CAPZB: variants seen among roughly 807,000 people sequenced by gnomAD.
CAPZB encodes capping actin protein of muscle Z-line subunit beta.
A neutral mutation model predicts 38.1 loss-of-function variants in CAPZB; 2 were observed. That is an observed-to-expected ratio of 0.05 (90% CI 0.02 to 0.17). The LOEUF (loss-of-function observed/expected upper bound fraction) is 0.17. Among genes scored for constraint, CAPZB ranks in the 10% least tolerant of loss-of-function variants. CAPZB has a pLI of 1.00. For synonymous variants in CAPZB, 107 were observed against 127.4 expected, an observed-to-expected ratio of 0.84 and a Z score of 1.08; for missense variants, 161 against 334.2, an observed-to-expected ratio of 0.48 and a Z score of 4.04.
chr1:19,442,892 T>A (rs932040083), intron 1 of CAPZB, among the ~76,000 whole-genome samples: 1 of 152,082 alleles, frequency 6.6e-6, no homozygotes, highest in African/African-American at 2.4e-5. Flanking sequence ...ATACACCTCC[T>A]CTGTGCGGCG....
chr1:19,343,886 T>C (rs2093946375), intron 8 of CAPZB, among the ~76,000 whole-genome samples: 1 of 152,144 alleles, frequency 6.6e-6, no homozygotes, highest in Admixed American at 6.5e-5. Flanking sequence ...GGGCCCTGCC[T>C]GCATGTGGCG....
chr1:19,469,728 A>T (rs2094580171), intron 1 of CAPZB, among the ~76,000 whole-genome samples: 1 of 144,526 alleles, frequency 6.9e-6, no homozygotes, highest in Non-Finnish European at 1.5e-5. Flanking sequence ...GATACTCAAA[A>T]GGAGGAAAAG....
intron 1 of CAPZB, among the ~76,000 whole-genome samples, chr1:19,471,707 AC>A (rs1168417664): frequency 1.3e-5 from 2 of 152,072 alleles, no homozygotes; most frequent in East Asian, 3.9e-4. Flanking sequence ...TACTAAAAAT[AC>A]CAAAAAAAAT....
At chr1:19,408,076 C>G (rs2094340883) in intron 2 of CAPZB, among the ~76,000 whole-genome samples, 1 of 152,210 alleles carries the variant, frequency 6.6e-6, no homozygotes. Context: ...CTCTTAATCT[C>G]CTTCCTCAGT....
chr1:19,385,035 A>C (rs1570071129), intron 3 of CAPZB, among the ~76,000 whole-genome samples: 1 of 152,090 alleles, frequency 6.6e-6, no homozygotes, highest in South Asian at 2.1e-4. Context: ...GCCTTGGGCG[A>C]GGTGACGGAA....
intron 1 of CAPZB, among the ~76,000 whole-genome samples, chr1:19,472,346 G>T (rs528192130): frequency 6.6e-6 from 1 of 152,272 alleles, no homozygotes; most frequent in Admixed American, 6.5e-5. Context: ...ACATCTCTGG[G>T]TGGCTCAAAC....
chr1:19,417,365 G>A (rs149747813), intron 2 of CAPZB, among the ~76,000 whole-genome samples: 1 of 152,272 alleles, frequency 6.6e-6, no homozygotes, highest in African/African-American at 2.4e-5. Flanking sequence ...TTTAAACTCA[G>A]CCAAGCATGC....
chr1:19,434,607 T>C (rs1458482391), intron 1 of CAPZB, among the ~76,000 whole-genome samples: 6 of 151,556 alleles, frequency 4.0e-5, no homozygotes, highest in Admixed American at 1.3e-4. Context: ...CATCTTCTTA[T>C]ACAGAACTTC....
intron 6 of CAPZB, 141 bp from the exon 7 acceptor site, chr1:19,345,393 T>C (rs2093954844): frequency 8.7e-6 from 6 of 692,594 alleles, no homozygotes; most frequent in Non-Finnish European, 1.5e-5. Flanking sequence ...AGGCCAGTTT[T>C]GCAGCCTGGG....
intron 1 of CAPZB, 67 bp downstream of exon 1, chr1:19,485,369 G>C (rs1323832517): frequency 2.7e-6 from 3 of 1,104,258 alleles, no homozygotes; most frequent in Non-Finnish European, 3.4e-6. Flanking sequence ...CCAGGGATGG[G>C]CAGGGGGAGG....
intron 4 of CAPZB, among the ~76,000 whole-genome samples, chr1:19,363,587 A>C (rs572708069): frequency 3.6e-4 from 55 of 152,294 alleles, no homozygotes; most frequent in Non-Finnish European, 6.8e-4. Flanking sequence ...TCACACTCAA[A>C]ATGACCTAAT....
chr1:19,452,589 T>C (rs1042819101), intron 1 of CAPZB, among the ~76,000 whole-genome samples: 5 of 152,038 alleles, frequency 3.3e-5, no homozygotes, highest in Admixed American at 3.3e-4. Context: ...GCCCAAATCC[T>C]GTGGGGCCTG....
At chr1:19,366,307 T>TATATAA (rs1243032633) in intron 4 of CAPZB, among the ~76,000 whole-genome samples, 2 of 74,148 alleles carry the variant, frequency 2.7e-5, no homozygotes, top group East Asian at 3.8e-4. Flanking sequence ...TATATATATA[T>TATATAA]ATAAATAAAA....
chr1:19,424,733 A>C (rs563635546), intron 1 of CAPZB: 1 of 152,266 alleles, frequency 6.6e-6, no homozygotes, highest in Admixed American at 6.5e-5. Flanking sequence ...GCCCAGATGA[A>C]CTCTAAGACT....
chr1:19,396,101 G>A (rs1030134334), intron 2 of CAPZB, among the ~76,000 whole-genome samples: 10 of 152,160 alleles, frequency 6.6e-5, no homozygotes, highest in Admixed American at 3.9e-4. Flanking sequence ...GGCAGAGGCC[G>A]TTGCCCCGCC....
intron 3 of CAPZB, among the ~76,000 whole-genome samples, chr1:19,381,583 C>T (rs1437697552): frequency 6.6e-6 from 1 of 152,024 alleles, no homozygotes; most frequent in Non-Finnish European, 1.5e-5. Flanking sequence ...CAGGTGCTGT[C>T]CTTCTTGGGA....
At chr1:19,482,352 G>C (rs2094632650) in intron 1 of CAPZB, among the ~76,000 whole-genome samples, 2 of 152,218 alleles carry the variant, frequency 1.3e-5, no homozygotes, top group Non-Finnish European at 2.9e-5. Context: ...CACATCAAGA[G>C]ACATTAATGT....
intron 2 of CAPZB, among the ~76,000 whole-genome samples, chr1:19,388,843 C>G (rs1346705164): frequency 6.6e-6 from 1 of 152,192 alleles, no homozygotes; most frequent in Non-Finnish European, 1.5e-5. Flanking sequence ...GATGGGACTT[C>G]TGAAAGCCAG....
At chr1:19,404,911 TAC>T (rs896860342) in intron 2 of CAPZB, among the ~76,000 whole-genome samples, 2 of 152,154 alleles carry the variant, frequency 1.3e-5, no homozygotes, top group South Asian at 4.1e-4. Context: ...TTCTCTCCAT[TAC>T]ACAGATGAGG....
Sources: allele counts gnomAD v4.1 joint callset (sites outside exome capture counted in the v4.1 genomes callset), GRCh38; gene constraint gnomAD v4.1.1; transcripts MANE v1.5; gene names NCBI Gene and HGNC (gene_info 2026-07-23, HGNC 2026-07-21).